Variants in MET observed in about 807,000 individuals in gnomAD.
The protein encoded by MET is hepatocyte growth factor receptor.
MET carries 48 observed loss-of-function variants against 133.1 expected under a neutral mutation model. That is an observed-to-expected ratio of 0.36 (90% CI 0.29 to 0.46). The LOEUF is 0.46. Among genes scored for constraint, MET ranks in the 20% least tolerant of loss-of-function variants. The probability of loss-of-function intolerance (pLI) is 1.00; values close to 1 mark genes in which losing one functional copy is unlikely to be tolerated. For synonymous variants in MET, 628 were observed against 616.5 expected (o/e 1.02, Z -0.28); for missense variants, 1,442 against 1,695.9 (o/e 0.85, Z 2.63).
intron 8 of MET, among the ~76,000 whole-genome samples, chr7:116,758,166 C>T (rs1422185735): frequency 6.6e-6 from 1 of 152,076 alleles, no homozygotes; most frequent in African/African-American, 2.4e-5. Context: ...GTCTGGAAGA[C>T]AGTTATGTTT....
intron 1 of MET, among the ~76,000 whole-genome samples, chr7:116,691,262 A>C (rs968631069): frequency 6.6e-6 from 1 of 152,204 alleles, no homozygotes; most frequent in African/African-American, 2.4e-5. Context: ...TTAGAATTAT[A>C]TAATAAGAAA....
At chr7:116,740,193 C>T in intron 4 of MET, 109 bp downstream of exon 4, 3 of 1,250,980 alleles carry the variant, frequency 2.4e-6, no homozygotes, top group Admixed American at 3.4e-5. Context: ...TTAAATTTAC[C>T]CCTCCTCCAT....
Position 116,699,465 on chromosome 7 carries a change from T to C in MET, c.381T>C (p.Asp127=). The C allele has an allele frequency of 6.2e-7, 1 of 1,614,032 alleles. No homozygotes were observed. Among genetic ancestry groups the C allele is most frequent in the Non-Finnish European group, 8.5e-7 (1 of 1,179,934 alleles). ...CTCTAGTTGTCGACACCTACTATGA[T>C]GATCAACTCATTAGCTGTGGCAGCG... The part of the protein sequence containing the change: ...NMALVVDTYY[D]DQLISCGSVN... The change falls in exon 2 of 21, where the codon GAT becomes GAC. Residue 127 remains aspartate (D), a synonymous_variant. Transcript: ENST00000397752.
chr7:116,753,153 G>A (rs111416989), intron 5 of MET, among the ~76,000 whole-genome samples: 7,337 of 152,276 alleles, frequency 0.048, 249 homozygotes, highest in Middle Eastern at 0.11. Flanking sequence ...TTAAGACTTT[G>A]GTTTGCAATT....
At chr7:116,788,011 C>T (rs1174843209) in intron 19 of MET, among the ~76,000 whole-genome samples, 1 of 152,058 alleles carries the variant, frequency 6.6e-6, no homozygotes, top group Non-Finnish European at 1.5e-5. Context: ...AAAGGAATTA[C>T]TGATGCCTAC....
chr7:116,743,177 T>C (rs1793529725), intron 5 of MET, among the ~76,000 whole-genome samples: 1 of 152,218 alleles, frequency 6.6e-6, no homozygotes, highest in Non-Finnish European at 1.5e-5. Context: ...TGAGGGACTG[T>C]GTTGTGAGGA....
chr7:116,684,349 C>T lies in MET; in HGVS notation c.-15+11772C>T, dbSNP rs553518087. On this transcript the variant is annotated intron_variant, in intron 1 of 20. Coordinates refer to ENST00000397752, the MANE Select transcript of MET (RefSeq NM_000245.4). ...TGATTGATTCTGTTGTCCATTCATT[C>T]AATAAATGCTTACTAAGTGCCATGT... Among the ~76,000 whole-genome samples, 3 of 152,228 alleles carry T rather than the reference C, an allele frequency of 2.0e-5. No individual in the cohort carries two copies. In the East Asian group the frequency reaches 5.8e-4, roughly 29 times the overall value.
chr7:116,749,225 C>G (rs1793823648), intron 5 of MET, among the ~76,000 whole-genome samples: 1 of 152,122 alleles, frequency 6.6e-6, no homozygotes, highest in Admixed American at 6.6e-5. Context: ...TACTGGCAAA[C>G]CAAATCCAGC....
rs1185376042 is a variant in MET, at chr7:116,797,121, A to G, written c.*997A>G. 2 of 197,420 alleles carry G rather than the reference A, an allele frequency of 1.0e-5. No individual in the cohort carries two copies. Among genetic ancestry groups the G allele is most frequent in the Non-Finnish European group, 2.1e-5 (2 of 95,110 alleles). The allele number at this position is 197,420 out of a possible 1,614,324, so 12.2% of individuals were successfully genotyped here. ...TCATATAAAAACCCACTGTTTGAGAATGATGCTACTCTGATCTAATGAATG... is the reference window on the plus strand; with the variant it reads ...TCATATAAAAACCCACTGTTTGAGAGTGATGCTACTCTGATCTAATGAATG... On this transcript the variant is annotated 3_prime_UTR_variant, in exon 21 of 21. Transcript: ENST00000397752.
rs1795713867 is a variant in MET, at chr7:116,797,520, T to C, written c.*1396T>C. The C allele has an allele frequency of 1.7e-5, 4 of 229,446 alleles. No individual in the cohort carries two copies. The highest frequency in any genetic ancestry group is 8.9e-5 in the African/African-American group (4 of 45,106). 14.2% of individuals were successfully genotyped at this position (229,446 alleles called of 1,614,324 possible). A position where few individuals can be genotyped will look rare whatever the true frequency, so the allele number is the denominator to read the frequency against. On this transcript the variant is annotated 3_prime_UTR_variant, in exon 21 of 21. Transcript: ENST00000397752. Reference sequence around the variant, plus strand: ...GGAATAGCCACCCTGAGCAGAACTTTGTGATGCTTCATTCTGTGGAATTTT... The same window carrying C: ...GGAATAGCCACCCTGAGCAGAACTTCGTGATGCTTCATTCTGTGGAATTTT...
intron 2 of MET, among the ~76,000 whole-genome samples, chr7:116,731,423 G>A (rs1049916748): frequency 2.6e-5 from 4 of 152,100 alleles, no homozygotes; most frequent in Admixed American, 2.6e-4. Flanking sequence ...TCCATTTTTA[G>A]GCGTGCACAT....
chr7:116,705,372 G>T (rs1341991399), intron 2 of MET, among the ~76,000 whole-genome samples: 4 of 152,078 alleles, frequency 2.6e-5, no homozygotes, highest in Non-Finnish European at 1.5e-5. Context: ...TGTGAATGTG[G>T]AGTCAATGTT....
At chr7:116,717,360 C>T (rs192521576) in intron 2 of MET, among the ~76,000 whole-genome samples, 69 of 152,210 alleles carry the variant, frequency 4.5e-4, no homozygotes, top group African/African-American at 1.4e-3. Context: ...TGCCTCCCTG[C>T]GTGCAGTCAG....
At chr7:116,711,675 CTAGACCTCAGT>C (rs1287669352) in intron 2 of MET, among the ~76,000 whole-genome samples, 2 of 151,160 alleles carry the variant, frequency 1.3e-5, no homozygotes, top group Non-Finnish European at 2.9e-5. Context: ...TAAGATAAAA[CTAGACCTCAGT>C]GGCTCCTCCT....
intron 9 of MET, 26 bp downstream of exon 9, chr7:116,758,646 A>G (rs1265502933): frequency 6.2e-7 from 1 of 1,605,876 alleles, no homozygotes; most frequent in South Asian, 1.1e-5. Flanking sequence ...TGATGGGTAT[A>G]AGAAAACAAT....
chr7:116,699,956 A>G lies in MET; in HGVS notation c.872A>G (p.Tyr291Cys), dbSNP rs2116600000. Reference sequence around the variant, plus strand: ...TCCATAAACTCTGGATTGCATTCCTACATGGAAATGCCTCTGGAGTGTATT... The same window carrying G: ...TCCATAAACTCTGGATTGCATTCCTGCATGGAAATGCCTCTGGAGTGTATT... ...FCSINSGLHS[Y>C]MEMPLECILT... Residue 291 changes from tyrosine (Y) to cysteine (C), a missense_variant, in exon 2 of 21, where the codon TAC becomes TGC. Physicochemically the swap from Tyr to Cys is radical, Grantham distance 194. Around this residue, in one of 6 missense-constraint regions of MET, gnomAD observed 762 missense variants for 792.4 expected, o/e 0.96. Transcript: ENST00000397752. 6.2e-7 allele frequency: 1 copy of G among 1,614,070 alleles called. No homozygotes were observed. Among genetic ancestry groups the G allele is most frequent in the Non-Finnish European group, 8.5e-7 (1 of 1,179,950 alleles).
At chr7:116,786,237 G>A (rs1473725374) in intron 19 of MET, among the ~76,000 whole-genome samples, 2 of 152,168 alleles carry the variant, frequency 1.3e-5, no homozygotes, top group African/African-American at 4.8e-5. Flanking sequence ...ATCCCAGCAT[G>A]AATGCCCACC....
At chr7:116,744,391 A>G (rs1793581336) in intron 5 of MET, among the ~76,000 whole-genome samples, 1 of 152,242 alleles carries the variant, frequency 6.6e-6, no homozygotes, top group Non-Finnish European at 1.5e-5. Context: ...TTCATGAAGC[A>G]TACACAAGTA....
intron 19 of MET, among the ~76,000 whole-genome samples, chr7:116,795,361 C>T (rs1339714248): frequency 3.3e-5 from 5 of 152,084 alleles, no homozygotes; most frequent in Admixed American, 1.3e-4. Flanking sequence ...TTTGACACAG[C>T]GGGAGAGAAT....
Sources: allele counts gnomAD v4.1 joint callset (sites outside exome capture counted in the v4.1 genomes callset), GRCh38; gene constraint gnomAD v4.1.1; regional missense constraint gnomAD v4.1.1; transcripts MANE v1.5; gene names NCBI Gene and HGNC (gene_info 2026-07-23, HGNC 2026-07-21).